The following KDM4C variants were observed in gnomAD, a reference collection of about 807,000 sequenced individuals.
KDM4C encodes lysine-specific demethylase 4C.
In KDM4C, 81 loss-of-function variants were observed where a neutral mutation model predicts 129.3. The observed-to-expected ratio is 0.63, with a 90% CI of 0.52 to 0.75. KDM4C has a LOEUF of 0.75. Among genes scored for constraint, KDM4C ranks in the 30% least tolerant of loss-of-function variants. The pLI is 0.00. For missense variants in KDM4C, 1,457 were observed against 1,304.0 expected, an observed-to-expected ratio of 1.12 and a Z score of -1.81; for synonymous variants, 573 against 456.1, an observed-to-expected ratio of 1.26 and a Z score of -3.26.
chr9:6,983,776 A>G (rs1183682948), intron 9 of KDM4C, among the ~76,000 whole-genome samples: 1 of 40,040 alleles, frequency 2.5e-5, no homozygotes, highest in East Asian at 7.1e-4. Flanking sequence ...GCCTAACAGG[A>G]TATTCTGATT....
intron 5 of KDM4C, among the ~76,000 whole-genome samples, chr9:6,878,260 C>G (rs1025316745): frequency 2.6e-5 from 4 of 152,134 alleles, no homozygotes; most frequent in Admixed American, 2.6e-4. Context: ...AGCTATTAAA[C>G]TATAGCAATA....
intron 17 of KDM4C, among the ~76,000 whole-genome samples, chr9:7,061,061 T>A (rs896681869): frequency 1.5e-4 from 23 of 152,242 alleles, no homozygotes; most frequent in African/African-American, 4.8e-4. Flanking sequence ...GTATTTACTT[T>A]GTTTTTTAGT....
rs182572609 is a variant in KDM4C, at chr9:6,880,644, T to A, written c.679+583T>A. 2.9e-3 allele frequency among the ~76,000 whole-genome samples: 437 copies of A among 152,332 alleles called. 5 individuals carry two copies. Among genetic ancestry groups the A allele is most frequent in the Non-Finnish European group, 1.3e-3 (87 of 68,038 alleles). Reference sequence around the variant, plus strand: ...TGGACTGGCAAAATTAAACTTACTTTACTGCAGGTTGCATTTTTATTTTTC... The same window carrying A: ...TGGACTGGCAAAATTAAACTTACTTAACTGCAGGTTGCATTTTTATTTTTC... On this transcript the variant is annotated intron_variant, in intron 6 of 21. Transcript: ENST00000381309.
chr9:6,949,046 C>G (rs1827551849), intron 8 of KDM4C, among the ~76,000 whole-genome samples: 4 of 151,878 alleles, frequency 2.6e-5, no homozygotes, highest in African/African-American at 9.7e-5. Flanking sequence ...TCCTCACTTC[C>G]CAGAAGGGGC....
intron 20 of KDM4C, 77 bp from the exon 21 acceptor site, chr9:7,169,721 A>C: frequency 8.9e-7 from 1 of 1,119,218 alleles, no homozygotes; most frequent in Non-Finnish European, 1.3e-6. Context: ...TCATCTTTTC[A>C]TGTAGTTAAT....
At chr9:6,854,554 A>AAAAAAAAT in intron 5 of KDM4C, among the ~76,000 whole-genome samples, 1 of 151,298 alleles carries the variant, frequency 6.6e-6, no homozygotes, top group Non-Finnish European at 1.5e-5. Context: ...AACAAAAAAA[A>AAAAAAAAT]AACTAACTTT....
At chr9:7,141,046 G>T (rs1841691003) in intron 19 of KDM4C, among the ~76,000 whole-genome samples, 1 of 152,228 alleles carries the variant, frequency 6.6e-6, no homozygotes, top group Non-Finnish European at 1.5e-5. Context: ...GGGGCCTTGA[G>T]GCCATCTTAT....
At chr9:6,944,864 A>T (rs1826659507) in intron 8 of KDM4C, among the ~76,000 whole-genome samples, 2 of 152,112 alleles carry the variant, frequency 1.3e-5, no homozygotes. Flanking sequence ...TTAGCTATAC[A>T]ACAAGGGGAC....
intron 19 of KDM4C, among the ~76,000 whole-genome samples, chr9:7,144,628 C>T (rs2129960381): frequency 6.6e-6 from 1 of 152,356 alleles, no homozygotes; most frequent in African/African-American, 2.4e-5. Flanking sequence ...TGGCCCCTGG[C>T]CCCACCATTC....
intron 5 of KDM4C, among the ~76,000 whole-genome samples, chr9:6,856,797 C>T (rs1839937373): frequency 7.1e-6 from 1 of 141,774 alleles, no homozygotes; most frequent in African/African-American, 2.7e-5. Flanking sequence ...GTCGCCCAGG[C>T]CGGACTGCGG....
intron 19 of KDM4C, among the ~76,000 whole-genome samples, chr9:7,137,014 A>C (rs919343352): frequency 5.9e-5 from 9 of 152,074 alleles, no homozygotes; most frequent in African/African-American, 1.7e-4. Flanking sequence ...TAAATCAGAA[A>C]CCTCTCTTTC....
At chr9:7,035,308 CTGGCCATT>C in intron 15 of KDM4C, among the ~76,000 whole-genome samples, 2 of 145,906 alleles carry the variant, frequency 1.4e-5, no homozygotes, top group Non-Finnish European at 3.0e-5. Flanking sequence ...GCTACCATGC[CTGGCCATT>C]TGCCCATTCT....
At chr9:6,944,278 T>TA (rs1826474195) in intron 8 of KDM4C, among the ~76,000 whole-genome samples, 1 of 152,246 alleles carries the variant, frequency 6.6e-6, no homozygotes. Flanking sequence ...TGCTTAATAT[T>TA]ACAGTGGTAG....
intron 17 of KDM4C, among the ~76,000 whole-genome samples, chr9:7,075,071 C>G (rs931225042): frequency 3.3e-5 from 5 of 152,116 alleles, no homozygotes; most frequent in African/African-American, 1.2e-4. Flanking sequence ...TATGAAACAA[C>G]TTTCTCCCCA....
intron 17 of KDM4C, among the ~76,000 whole-genome samples, chr9:7,057,699 A>G (rs1267249872): frequency 6.6e-6 from 1 of 152,212 alleles, no homozygotes; most frequent in Non-Finnish European, 1.5e-5. Context: ...GGCAATTTGT[A>G]AGCAACAGGA....
chr9:6,829,102 G>T (rs570872126), intron 4 of KDM4C, among the ~76,000 whole-genome samples: 18 of 152,224 alleles, frequency 1.2e-4, no homozygotes, highest in Non-Finnish European at 1.5e-4. Flanking sequence ...GAGCTTACTG[G>T]TTAGCTTGAG....
At chr9:7,002,067 A>G (rs992906316) in intron 12 of KDM4C, among the ~76,000 whole-genome samples, 8 of 151,990 alleles carry the variant, frequency 5.3e-5, no homozygotes, top group African/African-American at 1.9e-4. Context: ...TAGTTTTTCT[A>G]TTTTTAGTAG....
chr9:7,158,855 G>T (rs1843473939), intron 19 of KDM4C, among the ~76,000 whole-genome samples: 1 of 152,124 alleles, frequency 6.6e-6, no homozygotes, highest in Non-Finnish European at 1.5e-5. Context: ...TGTCTTTTAG[G>T]TCTGCTTGGT....
intron 1 of KDM4C, among the ~76,000 whole-genome samples, chr9:6,785,137 G>C (rs1404671890): frequency 6.6e-6 from 1 of 152,134 alleles, no homozygotes; most frequent in Non-Finnish European, 1.5e-5. Flanking sequence ...CACAGTTCTG[G>C]AGGCTAAAGG....
Sources: allele counts gnomAD v4.1 joint callset (sites outside exome capture counted in the v4.1 genomes callset), GRCh38; gene constraint gnomAD v4.1.1; transcripts MANE v1.5; gene names NCBI Gene and HGNC (gene_info 2026-07-23, HGNC 2026-07-21).